SH3BP2: variants seen among roughly 807,000 people sequenced by gnomAD.
SH3BP2 encodes the protein SH3 domain-binding protein 2.
Under a neutral mutation model 56.2 loss-of-function variants are expected in SH3BP2, and 38 were observed. The observed-to-expected ratio is 0.68, with a 90% CI of 0.52 to 0.89. The LOEUF is 0.89. SH3BP2 is among the 40% of genes least tolerant of loss of function. SH3BP2 has a pLI of 0.00. For synonymous variants in SH3BP2, 346 were observed against 316.7 expected (o/e 1.09, Z -0.98); for missense variants, 748 against 762.6 (o/e 0.98, Z 0.23).
chr4:2,827,167 G>T, intron 5 of SH3BP2, 63 bp from the exon 6 acceptor site: 1 of 1,327,868 alleles, frequency 7.5e-7, no homozygotes, highest in South Asian at 1.2e-5. Flanking sequence ...ACCTTTGTGT[G>T]AGCATCAAGG....
In SH3BP2 at chr4:2,827,650, TC is replaced by T. The variant is rs746384909; in HGVS notation, c.566del (p.Pro189ArgfsTer10). The T allele has an allele frequency of 2.2e-5, 29 of 1,293,672 alleles. No homozygotes were observed. The allele number at this position is 1,293,672 out of a possible 1,614,324, so 80.1% of individuals were successfully genotyped here. A position where few individuals can be genotyped will look rare whatever the true frequency, so the allele number is the denominator to read the frequency against. Reference protein sequence around the residue: ...DEDDSYLEPDSPEPGRLEDAL... With the variant: ...DEDDSYLEPDXPEPGRLEDAL... ...GGATGACTCCTACCTGGAGCCTGAC[TC>T]CCCGGAGCCCGGAAGGCTTGAGGGT... On this transcript the variant is annotated frameshift_variant, in exon 7 of 13. Coordinates refer to ENST00000503393, the MANE Select transcript of SH3BP2 (RefSeq NM_001122681.2). LOFTEE classifies it high-confidence loss of function.
chr4:2,831,780 G>A lies in SH3BP2; in HGVS notation c.1350+101G>A. The A allele has an allele frequency of 1.5e-6, 2 of 1,356,238 alleles. No individual in the cohort carries two copies. The highest frequency in any genetic ancestry group is 2.1e-6 in the Non-Finnish European group (2 of 967,964). The allele number at this position is 1,356,238 out of a possible 1,614,324, so 84.0% of individuals were successfully genotyped here. On this transcript the variant is annotated intron_variant, in intron 9 of 12. Transcript: ENST00000503393. This position sits in a 1 kb window ranked among gnomAD's most constrained non-coding sequence, Gnocchi z 4.1. ...GCCCCTCACAGACCGTCCTGAGCAA[G>A]GACCCCCCGAGAACCCGGGAGCCTA... is the stretch of plus-strand genomic sequence containing the variant.
At chr4:2,793,453 G>C (rs1281359863) in intron 1 of SH3BP2, among the ~76,000 whole-genome samples, 2 of 150,996 alleles carry the variant, frequency 1.3e-5, no homozygotes, top group African/African-American at 2.4e-5. Flanking sequence ...CCGTGTCCTT[G>C]CCAAAGGACG....
At chr4:2,816,443 C>A (rs1724001066) in intron 1 of SH3BP2, among the ~76,000 whole-genome samples, 1 of 152,188 alleles carries the variant, frequency 6.6e-6, no homozygotes, top group South Asian at 2.1e-4. Flanking sequence ...CCTTTTATTT[C>A]TTTTTATTGC....
rs149515000 is a variant in SH3BP2 at position 2,824,625 on chromosome 4, G to T, written c.252G>T (p.Ala84=). ...SLSGYNRVMR[A]AEETTSNNVF... ...GCTGTGCCCCCAGGGTGATGCGGGC[G>T]GCTGAGGAGACCACGTCCAACAACG... is the stretch of plus-strand genomic sequence containing the variant. Residue 84 remains alanine, a synonymous_variant, in exon 4 of 13, where the codon GCG becomes GCT. Transcript: ENST00000503393. The T allele has an allele frequency of 6.2e-7, 1 of 1,613,638 alleles. No homozygotes were observed. Among genetic ancestry groups the T allele is most frequent in the East Asian group, 2.2e-5 (1 of 44,864 alleles).
chr4:2,822,328 G>T (rs904986465), intron 2 of SH3BP2, among the ~76,000 whole-genome samples: 9 of 152,086 alleles, frequency 5.9e-5, no homozygotes, highest in African/African-American at 1.9e-4. Context: ...GCTAAGTTTT[G>T]TATTTTTTGT....
chr4:2,816,631 G>T (rs774121304), intron 1 of SH3BP2, among the ~76,000 whole-genome samples: 11 of 152,202 alleles, frequency 7.2e-5, no homozygotes, highest in Non-Finnish European at 1.3e-4. Context: ...TTCCTGGTTT[G>T]TTGACTCTTC....
chr4:2,818,165 C>A, intron 1 of SH3BP2: 1 of 969,898 alleles, frequency 1.0e-6, no homozygotes, highest in Non-Finnish European at 1.2e-6. Context: ...CTCACCTGCC[C>A]GCCCAGTCCC....
At chr4:2,823,159 TCGTGCCCATCCCCTGTCCTCCCCG>T (rs1724401941) in intron 3 of SH3BP2, 122 bp downstream of exon 3, 1 of 743,792 alleles carries the variant, frequency 1.3e-6, no homozygotes, top group East Asian at 2.7e-5. Context: ...GAAGCAGCCT[TCGTGCCCATCCCCTGTCCTCCCCG>T]CCCAGCCTCC....
At position 2,830,076 on chromosome 4, in the gene SH3BP2, G is replaced by A; in HGVS notation, c.1170G>A (p.Leu390=). The A allele has an allele frequency of 6.2e-7, 1 of 1,610,432 alleles. No homozygotes were observed. Among genetic ancestry groups the A allele is most frequent in the Non-Finnish European group, 8.5e-7 (1 of 1,179,460 alleles). The change falls in exon 8 of 13, where the codon CTG becomes CTA. Residue 390 remains leucine, a synonymous_variant. Coordinates refer to ENST00000503393, the MANE Select transcript of SH3BP2 (RefSeq NM_001122681.2). ...CTCCCCGGCCTCCTGCGCTGAAGCTGCCAGTGCCTGAGGCCATGGCGCGGC... is the reference window on the plus strand; with the variant it reads ...CTCCCCGGCCTCCTGCGCTGAAGCTACCAGTGCCTGAGGCCATGGCGCGGC... ...PVAPRPPALK[L]PVPEAMARPA...
chr4:2,799,075 G>A (rs1196586998), intron 1 of SH3BP2: 1 of 985,524 alleles, frequency 1.0e-6, no homozygotes, highest in Non-Finnish European at 1.2e-6. Flanking sequence ...GCGCTCAGGG[G>A]TGCAGCCTCA....
At chr4:2,827,728 G>A (rs1724752803) in intron 7 of SH3BP2, 54 bp downstream of exon 7, 5 of 1,431,534 alleles carry the variant, frequency 3.5e-6, no homozygotes, top group Non-Finnish European at 4.8e-6. Flanking sequence ...AGCAGGGGCT[G>A]GGACCGGGAG....
rs370492 is a variant in SH3BP2 at position 2,812,867 on chromosome 4, G to A, written c.-4-7747G>A. ...TCCTAAGTACACACGTTGTGTATGT[G>A]AGTGTGTGTTTCTGTTGTGGGGGGG... On this transcript the variant is annotated intron_variant, in intron 1 of 12. Transcript: ENST00000503393. Among the ~76,000 whole-genome samples, 439 of 152,318 alleles carry A rather than the reference G, an allele frequency of 2.9e-3. 3 individuals are homozygous for A. Among genetic ancestry groups the A allele is most frequent in the Non-Finnish European group, 3.6e-3 (247 of 68,032 alleles).
intron 12 of SH3BP2, 164 bp downstream of exon 12, chr4:2,833,213 G>A: frequency 1.4e-6 from 1 of 695,904 alleles, no homozygotes; most frequent in South Asian, 1.6e-5. Flanking sequence ...CACCCCTCCT[G>A]CTCAGCCTCC....
chr4:2,822,815 C>T, intron 2 of SH3BP2, 120 bp from the exon 3 acceptor site: 1 of 766,690 alleles, frequency 1.3e-6, no homozygotes, highest in Admixed American at 2.0e-5. Context: ...CCTGCTCTTC[C>T]ATTTGGTAAG....
At chr4:2,813,722 T>C (rs924991753) in intron 1 of SH3BP2, among the ~76,000 whole-genome samples, 26 of 152,196 alleles carry the variant, frequency 1.7e-4, no homozygotes, top group African/African-American at 6.0e-4. Context: ...GATGAATGTG[T>C]ATATCAGTAT....
At chr4:2,799,800 G>A (rs545662586) in intron 1 of SH3BP2, among the ~76,000 whole-genome samples, 82 of 152,258 alleles carry the variant, frequency 5.4e-4, no homozygotes, top group African/African-American at 1.9e-3. Flanking sequence ...GGATCCCCCC[G>A]GGGGGGCCTC....
chr4:2,829,397 G>A lies in SH3BP2; in HGVS notation c.587-96G>A. 1 of 1,341,322 alleles carries A rather than the reference G, an allele frequency of 7.5e-7. No individual in the cohort carries two copies. Among genetic ancestry groups the A allele is most frequent in the Non-Finnish European group, 1.1e-6 (1 of 934,224 alleles). The allele number at this position is 1,341,322 out of a possible 1,614,324, so 83.1% of individuals were successfully genotyped here. On this transcript the variant is annotated intron_variant, in intron 7 of 12. Transcript: ENST00000503393. The surrounding 1 kb of genome is among the most constrained non-coding windows in gnomAD (Gnocchi z 4.9). The stretch of plus-strand genomic sequence containing the variant: ...AGGCTGTGGGGTGGGCCTACCATGG[G>A]TTGCACTCCTGGTTGGCCTGGCTGA...
chr4:2,831,465 C>A lies in SH3BP2; in HGVS notation c.1242-106C>A. ...TTAGGGTCACAGGGGCCATAGCAGG[C>A]AGCTTGCCGTCCTCACACAGAGGGT... is the stretch of plus-strand genomic sequence containing the variant. On this transcript the variant is annotated intron_variant, in intron 8 of 12. Coordinates refer to ENST00000503393, the MANE Select transcript of SH3BP2 (RefSeq NM_001122681.2). This position sits in a 1 kb window ranked among gnomAD's most constrained non-coding sequence, Gnocchi z 4.1. 1.2e-6 allele frequency: 1 copy of A among 832,152 alleles called. No homozygotes were observed. Among genetic ancestry groups the A allele is most frequent in the Non-Finnish European group, 2.0e-6 (1 of 492,584 alleles). The allele number at this position is 832,152 out of a possible 1,614,324, so 51.5% of individuals were successfully genotyped here.
Sources: allele counts gnomAD v4.1 joint callset (sites outside exome capture counted in the v4.1 genomes callset), GRCh38; gene constraint gnomAD v4.1.1; non-coding constraint Gnocchi (gnomAD v3.1); transcripts MANE v1.5; gene names NCBI Gene and HGNC (gene_info 2026-07-23, HGNC 2026-07-21).